Variants in PVT1 observed in about 807,000 individuals in gnomAD.
The protein encoded by PVT1 is Pvt1 oncogene.
intron 3 of PVT1, among the ~76,000 whole-genome samples, chr8:127,972,811 T>G (rs1586462021): frequency 1.3e-5 from 2 of 152,130 alleles, no homozygotes; most frequent in South Asian, 4.1e-4. Context: ...ATGACATAAT[T>G]GCTCTGGGAA....
chr8:127,909,010 G>T (rs1021858731), intron 3 of PVT1, among the ~76,000 whole-genome samples: 1 of 152,102 alleles, frequency 6.6e-6, no homozygotes, highest in Admixed American at 6.5e-5. Context: ...GACGCTGCCC[G>T]TTTTTTCCCC....
At chr8:127,984,871 TTCTTTCTTTCTTTC>T (rs1554602084) in intron 3 of PVT1, among the ~76,000 whole-genome samples, 1 of 81,068 alleles carries the variant, frequency 1.2e-5, no homozygotes, top group Non-Finnish European at 2.6e-5. Context: ...CTTTCTTTCT[TTCTTTCTTTCTTTC>T]TTTCTTTCTT....
chr8:128,017,736 C>G (rs1272364175), intron 4 of PVT1, among the ~76,000 whole-genome samples: 2 of 152,114 alleles, frequency 1.3e-5, no homozygotes, highest in South Asian at 4.1e-4. Flanking sequence ...CATGCCCAGC[C>G]CTCCTTAATT....
intron 3 of PVT1, among the ~76,000 whole-genome samples, chr8:127,966,971 T>C: frequency 6.6e-6 from 1 of 152,122 alleles, no homozygotes; most frequent in Non-Finnish European, 1.5e-5. Flanking sequence ...GTTTGCTGGC[T>C]GAGATGGGTC....
At chr8:128,023,997 A>G (rs1328592332) in intron 4 of PVT1, among the ~76,000 whole-genome samples, 1 of 152,222 alleles carries the variant, frequency 6.6e-6, no homozygotes, top group African/African-American at 2.4e-5. Flanking sequence ...AAAGGGGACA[A>G]AACAGCTCAG....
intron 2 of PVT1, among the ~76,000 whole-genome samples, chr8:127,832,258 C>T (rs1814858693): frequency 6.6e-6 from 1 of 152,110 alleles, no homozygotes; most frequent in Non-Finnish European, 1.5e-5. Flanking sequence ...TCTCTATATT[C>T]CCACGCAGAG....
chr8:127,969,637 A>G (rs1305486666), intron 3 of PVT1, among the ~76,000 whole-genome samples: 2 of 152,160 alleles, frequency 1.3e-5, no homozygotes, highest in Non-Finnish European at 1.5e-5. Flanking sequence ...CTTCCTGAGT[A>G]CTCACTGTGT....
chr8:127,934,047 C>T (rs951744646), intron 3 of PVT1, among the ~76,000 whole-genome samples: 1 of 152,188 alleles, frequency 6.6e-6, no homozygotes, highest in Non-Finnish European at 1.5e-5. Context: ...GCCATCAACT[C>T]AGCTATAGGA....
intron 5 of PVT1, among the ~76,000 whole-genome samples, chr8:128,072,233 C>T (rs916549675): frequency 4.6e-5 from 7 of 152,056 alleles, no homozygotes; most frequent in African/African-American, 9.6e-5. Context: ...GGTGAAGACT[C>T]GGTGACAAAG....
chr8:128,098,072 G>A (rs540081380), intron 6 of PVT1, among the ~76,000 whole-genome samples: 78 of 152,208 alleles, frequency 5.1e-4, no homozygotes, highest in African/African-American at 1.7e-3. Context: ...TCTGGACCTC[G>A]GGGCCTCCCT....
At chr8:127,949,423 GTA>G (rs55711795) in intron 3 of PVT1, among the ~76,000 whole-genome samples, 11 of 147,428 alleles carry the variant, frequency 7.5e-5, no homozygotes, top group Non-Finnish European at 1.3e-4. Flanking sequence ...GTGTGTGTGT[GTA>G]TCTGTCTGTC....
rs36101639 is a variant in PVT1 at position 127,817,528 on chromosome 8, A to AATATATATAT, written n.372+21467_372+21476dup. Among the ~76,000 whole-genome samples the AATATATATAT allele has an allele frequency of 3.5e-4, 24 of 68,698 alleles. 1 individual carries two copies. The highest frequency in any genetic ancestry group is 8.3e-3 in the Middle Eastern group (1 of 120). The allele number at this position is 68,698 out of a possible 152,430, so 45.1% of individuals were successfully genotyped here. ...ATATTTAAATAGATATATCTATTTA[A>AATATATATAT]ATATATATATATATATATACACACA... On this transcript the variant is annotated intron_variant and non_coding_transcript_variant, in intron 2 of 10. Transcript: ENST00000651587.
intron 2 of PVT1, among the ~76,000 whole-genome samples, chr8:127,881,234 A>C (rs1815463308): frequency 6.6e-6 from 1 of 152,038 alleles, no homozygotes; most frequent in African/African-American, 2.4e-5. Context: ...AACCACCATA[A>C]TAGCAGCGCT....
chr8:127,816,457 C>T (rs147243604), intron 2 of PVT1, among the ~76,000 whole-genome samples: 275 of 149,388 alleles, frequency 1.8e-3, no homozygotes, highest in African/African-American at 6.6e-3. Context: ...CAACTCTTAT[C>T]TTGAATGTTG....
intron 3 of PVT1, among the ~76,000 whole-genome samples, chr8:127,968,067 G>A (rs577926302): frequency 6.6e-6 from 1 of 152,300 alleles, no homozygotes; most frequent in South Asian, 2.1e-4. Flanking sequence ...AGTGGAGCCT[G>A]ACAAATGTTT....
intron 2 of PVT1, among the ~76,000 whole-genome samples, chr8:127,823,963 C>T (rs1191546657): frequency 2.6e-5 from 4 of 152,130 alleles, no homozygotes; most frequent in African/African-American, 7.2e-5. Flanking sequence ...GAGGCTGAGG[C>T]GGGAGGATCT....
intron 3 of PVT1, among the ~76,000 whole-genome samples, chr8:127,919,693 C>T (rs909365754): frequency 5.3e-5 from 8 of 152,294 alleles, no homozygotes; most frequent in African/African-American, 1.7e-4. Context: ...GATCAGGGTC[C>T]CTACCTTCGT....
intron 2 of PVT1, among the ~76,000 whole-genome samples, chr8:127,850,673 C>T (rs1009641106): frequency 2.0e-5 from 3 of 152,158 alleles, no homozygotes; most frequent in Admixed American, 1.3e-4. Flanking sequence ...TATGTAGACT[C>T]ACTGATTGGG....
intron 2 of PVT1, among the ~76,000 whole-genome samples, chr8:127,860,894 G>C (rs538069896): frequency 6.6e-6 from 1 of 152,198 alleles, no homozygotes; most frequent in East Asian, 1.9e-4. Context: ...AGGGCAAGGG[G>C]CTCCTTGAAG....
Sources: gnomAD v4.1 joint callset for allele counts (sites outside exome capture counted in the v4.1 genomes callset) on GRCh38, gnomAD v4.1.1 for gene constraint, MANE v1.5 for transcripts, NCBI Gene and HGNC (gene_info 2026-07-23, HGNC 2026-07-21) for gene names.